ECI1: variants seen among roughly 807,000 people sequenced by gnomAD.
ECI1 encodes enoyl-CoA delta isomerase 1, mitochondrial.
Under a neutral mutation model 34.2 loss-of-function variants are expected in ECI1, and 34 were observed. The observed-to-expected ratio is 1.00, with a 90% CI of 0.76 to 1.33. The LOEUF is 1.33. Ranked by LOEUF, ECI1 falls within the 40% of genes most tolerant of loss-of-function variation. The pLI is 0.00. For missense variants in ECI1, 456 were observed against 422.2 expected (o/e 1.08, Z -0.70); for synonymous variants, 211 against 193.0 (o/e 1.09, Z -0.77).
intron 3 of ECI1, 42 bp from the exon 4 acceptor site, chr16:2,244,594 TC>T: frequency 6.4e-7 from 1 of 1,556,510 alleles, no homozygotes; most frequent in Non-Finnish European, 8.7e-7. Context: ...AGAGTCCACC[TC>T]CCAGCTGGCA....
At chr16:2,247,089 G>T in intron 2 of ECI1, 103 bp from the exon 3 acceptor site, 1 of 1,378,724 alleles carries the variant, frequency 7.3e-7, no homozygotes, top group Non-Finnish European at 1.0e-6. Flanking sequence ...CATTTTGGGG[G>T]TTTTATTTAT....
rs886382074 is a variant in ECI1, at chr16:2,243,122, T to C, written c.666A>G (p.Ile222Met). The change falls in exon 6 of 7, where the codon ATA (isoleucine) becomes ATG (methionine). Residue 222 changes from isoleucine to methionine, a missense_variant. By Grantham distance (10) the Ile-to-Met change is conservative. Coordinates refer to ENST00000301729, the MANE Select transcript of ECI1 (RefSeq NM_001919.4). ...GCTCCTCCGGGACCACCTGGTCCAC[T>C]ATGCCCACCTGCAGGGCCTCCGCCG... ...FPPAEALQVG[I>M]VDQVVPEEQV... is the part of the protein sequence containing the mutation. The C allele has an allele frequency of 9.3e-6, 15 of 1,606,346 alleles. No homozygotes were observed. The African/African-American group carries it at 1.9e-4, about 20-fold the overall frequency.
rs1328545348 is a variant in ECI1 at position 2,244,468 on chromosome 16, C to A, written c.379G>T (p.Ala127Ser). ...AACCGCAGCCACAGCTCCTGAACGGCCTTCCAGTACCCAGCGTAGTGGGCG... is the reference window on the plus strand; with the variant it reads ...AACCGCAGCCACAGCTCCTGAACGGACTTCCAGTACCCAGCGTAGTGGGCG... ...SPAHYAGYWK[A>S]VQELWLRLYQ... Residue 127 changes from alanine to serine, a missense_variant, in exon 4 of 7, where the codon GCC becomes TCC. Transcript: ENST00000301729. 2.5e-6 allele frequency: 4 copies of A among 1,611,902 alleles called. No homozygotes were observed. The South Asian group carries it at 4.4e-5, about 18-fold the overall frequency.
chr16:2,240,855 CG>C (rs1368252299), intron 6 of ECI1: 2 of 152,062 alleles, frequency 1.3e-5, no homozygotes, highest in South Asian at 2.1e-4. Flanking sequence ...TTACCATGCC[CG>C]GCTAATTTTT....
rs149722709 is a variant in ECI1, at chr16:2,244,544, C to G, written c.303G>C (p.Pro101=). 16 of 1,586,138 alleles carry G rather than the reference C, an allele frequency of 1.0e-5. No homozygotes were observed. The highest frequency in any genetic ancestry group is 4.0e-5 in the African/African-American group (3 of 74,424). The change falls in exon 4 of 7, where the codon CCG becomes CCC. Residue 101 remains proline, a synonymous_variant. Transcript: ENST00000301729. ...FRGVILTSDR[P]GVFSAGLDLT... is the part of the protein sequence containing the mutation. ...GGTCCAGGCCGGCCGAGAAGACACC[C>G]GGGCGGTCCTGCAGGGGGAGCCGGG...
rs1315367911 is a variant in ECI1 at position 2,244,393 on chromosome 16, T to G, written c.441+13A>C. ...AACAGCCAGCGAGGCCACCTGGGAG[T>G]GGGGACACTCACGTTGATGGCGGAG... On this transcript the variant is annotated intron_variant, in intron 4 of 6. Coordinates refer to ENST00000301729, the MANE Select transcript of ECI1 (RefSeq NM_001919.4). The G allele has an allele frequency of 5.0e-6, 8 of 1,610,704 alleles. No individual in the cohort carries two copies. The highest frequency in any genetic ancestry group is 6.8e-6 in the Non-Finnish European group (8 of 1,179,248).
chr16:2,240,417 GCCAGGCTGGTCCCGAACTCCTGA>G (rs1263605701), intron 6 of ECI1: 1 of 409,818 alleles, frequency 2.4e-6, no homozygotes, highest in African/African-American at 2.0e-5. Flanking sequence ...CCTCATGTTG[GCCAGGCTGGTCCCGAACTCCTGA>G]CCTCAGGTGA....
chr16:2,239,731 C>A lies in ECI1; in HGVS notation c.*248G>T, dbSNP rs1277196976. On this transcript the variant is annotated 3_prime_UTR_variant, in exon 7 of 7. Transcript: ENST00000301729. ...AACCTCACCAGGTCCAGAATGGCAT[C>A]CCCTGCCAGTCACAATCCCAAGTCA... 3 of 541,134 alleles carry A rather than the reference C, an allele frequency of 5.5e-6. No individual in the cohort carries two copies. The African/African-American group carries it at 5.7e-5, about 10-fold the overall frequency. The allele number at this position is 541,134 out of a possible 1,614,324, so 33.5% of individuals were successfully genotyped here.
chr16:2,244,333 G>A (rs1388420484), intron 4 of ECI1, 73 bp downstream of exon 4: 10 of 1,524,778 alleles, frequency 6.6e-6, no homozygotes, highest in Non-Finnish European at 9.0e-6. Flanking sequence ...CCAAGGGCAG[G>A]ACAGTGTCTG....
intron 6 of ECI1, 125 bp downstream of exon 6, chr16:2,242,921 T>G: frequency 1.3e-6 from 1 of 786,860 alleles, no homozygotes. Flanking sequence ...AGCAGCCTCC[T>G]GACACCCACA....
rs200076790 is a variant in ECI1, at chr16:2,243,208, C to T, written c.580G>A (p.Glu194Lys). 368 of 1,611,768 alleles carry T rather than the reference C, an allele frequency of 2.3e-4. No individual in the cohort carries two copies. In the Admixed American group the frequency reaches 5.6e-3, roughly 24 times the overall value. ...GCCGCCCGGTGCCCGATGGTGTTCT[C>T]CAGGGTGTCTTTCAACCTGGAAATG... ...IAPFWLKDTL[E>K]NTIGHRAAER... Residue 194 changes from glutamate to lysine, a missense_variant, in exon 6 of 7, where the codon GAG (glutamate) becomes AAG (lysine). Glu to Lys is a moderately conservative substitution (Grantham distance 56). Coordinates refer to ENST00000301729, the MANE Select transcript of ECI1 (RefSeq NM_001919.4).
At chr16:2,246,175 A>G (rs1367380665) in intron 3 of ECI1, among the ~76,000 whole-genome samples, 1 of 152,166 alleles carries the variant, frequency 6.6e-6, no homozygotes, top group East Asian at 1.9e-4. Context: ...GATGTTGGTA[A>G]TGACACCGTT....
At chr16:2,242,779 C>T in intron 6 of ECI1, 3 of 525,282 alleles carry the variant, frequency 5.7e-6, no homozygotes, top group Non-Finnish European at 1.0e-5. Context: ...GTGGGCGGGG[C>T]AGGAAGGAGC....
At chr16:2,248,136 G>A (rs1450023862) in intron 2 of ECI1, among the ~76,000 whole-genome samples, 2 of 150,896 alleles carry the variant, frequency 1.3e-5, no homozygotes, top group South Asian at 2.1e-4. Flanking sequence ...CTCGCTCGTC[G>A]CCCAGGCTGG....
intron 2 of ECI1, among the ~76,000 whole-genome samples, chr16:2,248,094 T>C (rs1229354720): frequency 6.6e-6 from 1 of 151,208 alleles, no homozygotes; most frequent in Admixed American, 6.6e-5. Context: ...ATTCTCTCTT[T>C]CTCTCTCTAT....
At chr16:2,250,794 C>T (rs2093551467) in intron 2 of ECI1, among the ~76,000 whole-genome samples, 1 of 152,078 alleles carries the variant, frequency 6.6e-6, no homozygotes, top group Admixed American at 6.6e-5. Flanking sequence ...ACTTAGATAA[C>T]AGCTCATATC....
chr16:2,244,578 C>T, intron 3 of ECI1, 26 bp from the exon 4 acceptor site: 3 of 1,565,122 alleles, frequency 1.9e-6, no homozygotes, highest in South Asian at 1.2e-5. Context: ...GGGCCACATG[C>T]CCATCAGAGT....
intron 4 of ECI1, among the ~76,000 whole-genome samples, chr16:2,243,899 C>T (rs550330745): frequency 1.2e-4 from 19 of 152,290 alleles, no homozygotes; most frequent in African/African-American, 4.3e-4. Flanking sequence ...CACTGCCCCG[C>T]GCAGGACCCA....
At position 2,246,985 on chromosome 16, in the gene ECI1, C is replaced by A. The variant is rs748337504; in HGVS notation, c.168G>T (p.Gly56=). The A allele has an allele frequency of 1.5e-4, 239 of 1,613,062 alleles. No individual in the cohort carries two copies. The highest frequency in any genetic ancestry group is 1.9e-4 in the Non-Finnish European group (230 of 1,179,918). ...RVLVEPDAGA[G]VAVMKFKNPP... is the part of the protein sequence containing the mutation. Reference sequence around the variant, plus strand: ...GGTTCTTGAATTTCATCACAGCGACCCCTAATTTAAAGAATGAGAAGAGAA... The same window carrying A: ...GGTTCTTGAATTTCATCACAGCGACACCTAATTTAAAGAATGAGAAGAGAA... Residue 56 remains glycine, a splice_region_variant and synonymous_variant, in exon 3 of 7, where the codon GGG becomes GGT. Transcript: ENST00000301729.
Sources: gnomAD v4.1 joint callset for allele counts (sites outside exome capture counted in the v4.1 genomes callset) on GRCh38, gnomAD v4.1.1 for gene constraint, MANE v1.5 for transcripts, NCBI Gene and HGNC (gene_info 2026-07-23, HGNC 2026-07-21) for gene names.